SYN3: variants seen among roughly 807,000 people sequenced by gnomAD.
The protein encoded by SYN3 is synapsin III.
A neutral mutation model predicts 65.8 loss-of-function variants in SYN3; 35 were observed. The ratio of observed to expected loss-of-function variants is 0.53; its 90% CI spans 0.41 to 0.70. The LOEUF is 0.70. Ranked by LOEUF, SYN3 falls within the 30% of genes least tolerant of loss-of-function variation. The pLI is 0.00. For missense variants in SYN3, 680 were observed against 749.0 expected (o/e 0.91, Z 1.08); for synonymous variants, 270 against 292.9 (o/e 0.92, Z 0.80).
At chr22:32,671,774 T>G (rs1601884502) in intron 6 of SYN3, among the ~76,000 whole-genome samples, 1 of 130,186 alleles carries the variant, frequency 7.7e-6, no homozygotes, top group East Asian at 2.4e-4. Flanking sequence ...GTCACACAGG[T>G]GCACACACAC....
At chr22:32,945,268 T>C (rs1446721690) in intron 3 of SYN3, among the ~76,000 whole-genome samples, 1 of 152,204 alleles carries the variant, frequency 6.6e-6, no homozygotes, top group Non-Finnish European at 1.5e-5. Flanking sequence ...ACTGGAGGCA[T>C]CACGCTACCT....
At chr22:32,536,081 G>C (rs1440435887) in intron 9 of SYN3, among the ~76,000 whole-genome samples, 2 of 152,258 alleles carry the variant, frequency 1.3e-5, no homozygotes, top group African/African-American at 2.4e-5. Flanking sequence ...CTGGGACTTG[G>C]CAGAGCCAGG....
chr22:32,952,631 C>T (rs2051325926), intron 3 of SYN3, among the ~76,000 whole-genome samples: 1 of 152,074 alleles, frequency 6.6e-6, no homozygotes, highest in African/African-American at 2.4e-5. Context: ...TGGTGCATGC[C>T]TATCGTCCTA....
intron 3 of SYN3, among the ~76,000 whole-genome samples, chr22:32,942,697 A>C (rs1220989099): frequency 1.3e-5 from 2 of 152,214 alleles, no homozygotes; most frequent in African/African-American, 4.8e-5. Flanking sequence ...AAAACCTTGA[A>C]AAAAGATTAG....
chr22:32,576,992 C>A (rs760793710), intron 7 of SYN3, among the ~76,000 whole-genome samples: 5 of 152,116 alleles, frequency 3.3e-5, no homozygotes, highest in Non-Finnish European at 5.9e-5. Flanking sequence ...ACTTTCTCTT[C>A]CTGGCCTCAC....
intron 3 of SYN3, among the ~76,000 whole-genome samples, chr22:32,941,922 G>A (rs1284161244): frequency 2.0e-5 from 3 of 152,228 alleles, no homozygotes; most frequent in East Asian, 1.9e-4. Flanking sequence ...CCATTGCTAA[G>A]GCTTGAGTAG....
chr22:32,598,793 T>A, intron 6 of SYN3, among the ~76,000 whole-genome samples: 1 of 151,834 alleles, frequency 6.6e-6, no homozygotes, highest in East Asian at 1.9e-4. Flanking sequence ...CAGCCATAGT[T>A]TTTTTTTTCC....
In SYN3 at chr22:32,979,466, T is replaced by C. The variant is rs556533930; in HGVS notation, c.369+1179A>G. ...GTAGGTGTTTTAATATTAAGCCAAC[T>C]TAGTTTGCTTAGAAGACCTTTCTGT... is the stretch of plus-strand genomic sequence containing the variant. On this transcript the variant is annotated intron_variant, in intron 3 of 13. Transcript: ENST00000358763. 1.1e-3 allele frequency among the ~76,000 whole-genome samples: 167 copies of C among 152,298 alleles called. 1 individual carries two copies. Among genetic ancestry groups the C allele is most frequent in the Non-Finnish European group, 1.8e-3 (124 of 68,014 alleles).
chr22:32,841,385 G>A (rs992030199), intron 6 of SYN3, among the ~76,000 whole-genome samples: 2 of 152,160 alleles, frequency 1.3e-5, no homozygotes, highest in Admixed American at 6.5e-5. Flanking sequence ...ATCAGGGAAG[G>A]TCCCCCGCCC....
At chr22:32,588,641 A>C (rs1488705834) in intron 7 of SYN3, among the ~76,000 whole-genome samples, 3 of 152,186 alleles carry the variant, frequency 2.0e-5, no homozygotes, top group Non-Finnish European at 4.4e-5. Flanking sequence ...CCTGTGTTAG[A>C]GATGAGGAAA....
chr22:33,022,619 G>C (rs544566184), intron 1 of SYN3, among the ~76,000 whole-genome samples: 2 of 152,140 alleles, frequency 1.3e-5, no homozygotes, highest in South Asian at 2.1e-4. Flanking sequence ...GAAGAATTTG[G>C]GCTTTGGAAA....
chr22:32,708,048 C>T (rs940561448), intron 6 of SYN3, among the ~76,000 whole-genome samples: 6 of 152,350 alleles, frequency 3.9e-5, no homozygotes, highest in Admixed American at 1.3e-4. Flanking sequence ...TATGACATTA[C>T]AGCTTAGCAT....
At chr22:32,583,644 A>G (rs1281141122) in intron 7 of SYN3, among the ~76,000 whole-genome samples, 1 of 152,204 alleles carries the variant, frequency 6.6e-6, no homozygotes, top group African/African-American at 2.4e-5. Context: ...AATGAGTATC[A>G]TTGAAACGGT....
At chr22:32,677,491 G>T (rs1189451583) in intron 6 of SYN3, among the ~76,000 whole-genome samples, 1 of 152,134 alleles carries the variant, frequency 6.6e-6, no homozygotes, top group Non-Finnish European at 1.5e-5. Flanking sequence ...AAACAAATTA[G>T]AGTCATATCA....
intron 8 of SYN3, 116 bp downstream of exon 8, chr22:32,541,455 A>G (rs1288038869): frequency 7.0e-6 from 9 of 1,290,874 alleles, no homozygotes; most frequent in Admixed American, 2.0e-5. Context: ...GAAGGGCAGT[A>G]AGGAGACAGG....
At chr22:32,660,524 A>G (rs1042914844) in intron 6 of SYN3, among the ~76,000 whole-genome samples, 1 of 152,170 alleles carries the variant, frequency 6.6e-6, no homozygotes, top group Non-Finnish European at 1.5e-5. Flanking sequence ...TCCAGGGCCC[A>G]TTCATACTGA....
intron 6 of SYN3, among the ~76,000 whole-genome samples, chr22:32,840,863 T>G (rs146855871): frequency 1.3e-5 from 2 of 152,314 alleles, no homozygotes; most frequent in South Asian, 4.2e-4. Flanking sequence ...TTGAGTGTCA[T>G]TGCTGGTCTC....
intron 6 of SYN3, among the ~76,000 whole-genome samples, chr22:32,612,673 C>T (rs2059461934): frequency 6.6e-6 from 1 of 151,940 alleles, no homozygotes; most frequent in Non-Finnish European, 1.5e-5. Context: ...AAGACCTTGT[C>T]TCTATAAAAG....
intron 1 of SYN3, among the ~76,000 whole-genome samples, chr22:33,045,867 T>C (rs1444487952): frequency 6.6e-6 from 1 of 152,016 alleles, no homozygotes; most frequent in Admixed American, 6.6e-5. Context: ...AGCTCCCACC[T>C]TTCCCCCACT....
Sources: allele counts gnomAD v4.1 joint callset (sites outside exome capture counted in the v4.1 genomes callset), GRCh38; gene constraint gnomAD v4.1.1; transcripts MANE v1.5; gene names NCBI Gene and HGNC (gene_info 2026-07-23, HGNC 2026-07-21).